RNF146: variants seen among roughly 807,000 people sequenced by gnomAD.
The protein encoded by RNF146 is ring finger protein 146.
RNF146 carries 11 observed loss-of-function variants against 29.7 expected under a neutral mutation model. The observed-to-expected ratio is 0.37, with a 90% CI of 0.23 to 0.61. RNF146 has a LOEUF of 0.61. RNF146 is among the 20% of genes least tolerant of loss of function. The pLI is 0.66. For synonymous variants in RNF146, 150 were observed against 159.7 expected (o/e 0.94, Z 0.46); for missense variants, 342 against 438.9 (o/e 0.78, Z 1.97).
At chr6:127,266,955 G>C (rs1373060385) in intron 1 of RNF146, 30 bp downstream of exon 1, 1 of 152,396 alleles carries the variant, frequency 6.6e-6, no homozygotes, top group Non-Finnish European at 1.5e-5. Flanking sequence ...CCTCTCGGGG[G>C]AGCAGGGTGA....
intron 1 of RNF146, among the ~76,000 whole-genome samples, chr6:127,268,614 G>A (rs1777004046): frequency 6.6e-6 from 1 of 152,142 alleles, no homozygotes; most frequent in Non-Finnish European, 1.5e-5. Flanking sequence ...TAGAATTTAT[G>A]TCTCAAATGA....
chr6:127,287,570 C>T lies in RNF146; in HGVS notation c.957C>T (p.Asn319=), dbSNP rs768293915. The T allele has an allele frequency of 9.9e-6, 16 of 1,612,848 alleles. No individual in the cohort carries two copies. Among genetic ancestry groups the T allele is most frequent in the Non-Finnish European group, 1.4e-5 (16 of 1,179,448 alleles). Reference sequence around the variant, plus strand: ...AGAGACTTTTGGTTTCTAATGCAAACCAGACAGTACCCGATCGATCAGATC... The same window carrying T: ...AGAGACTTTTGGTTTCTAATGCAAATCAGACAGTACCCGATCGATCAGATC... ...TQQRLLVSNA[N]QTVPDRSDRS... is the part of the protein sequence containing the mutation. The change falls in exon 3 of 3, where the codon AAC becomes AAT. Residue 319 remains asparagine (N), a synonymous_variant. Transcript: ENST00000368314.
rs151195633 is a variant in RNF146, at chr6:127,287,180, C to T, written c.567C>T (p.Thr189=). The change falls in exon 3 of 3, where the codon ACC becomes ACT. Residue 189 remains threonine, a synonymous_variant. Coordinates refer to ENST00000368314, the MANE Select transcript of RNF146 (RefSeq NM_001242850.2). ...AGLRLDCDAN[T]VNLARESSAD... ...TTAGGCTAGACTGTGATGCTAATACCGTAAACCTAGCAAGAGAGAGCTCTG... is the reference window on the plus strand; with the variant it reads ...TTAGGCTAGACTGTGATGCTAATACTGTAAACCTAGCAAGAGAGAGCTCTG... 2,734 of 1,613,216 alleles carry T rather than the reference C, an allele frequency of 1.7e-3. 1 individual carries two copies. Among genetic ancestry groups the T allele is most frequent in the Non-Finnish European group, 2.2e-3 (2,578 of 1,179,548 alleles).
chr6:127,284,494 T>G (rs1562289726), intron 2 of RNF146, among the ~76,000 whole-genome samples: 1 of 151,868 alleles, frequency 6.6e-6, no homozygotes, highest in Non-Finnish European at 1.5e-5. Context: ...AATATGGAAC[T>G]TGGAACAAAA....
intron 1 of RNF146, among the ~76,000 whole-genome samples, chr6:127,273,348 C>T (rs1777753916): frequency 6.6e-6 from 1 of 152,118 alleles, no homozygotes; most frequent in South Asian, 2.1e-4. Flanking sequence ...ATTTCTTGTA[C>T]CACCTCAAGT....
At position 127,280,239 on chromosome 6, in the gene RNF146, A is replaced by G; in HGVS notation, c.-100A>G. Reference sequence around the variant, plus strand: ...CTTTTTTTCTTTTGCAGCACAAAGAATGAACCAGCAGTGGAAGAGAAAATA... The same window carrying G: ...CTTTTTTTCTTTTGCAGCACAAAGAGTGAACCAGCAGTGGAAGAGAAAATA... On this transcript the variant is annotated 5_prime_UTR_variant, in exon 2 of 3. An upstream start codon of the reference 5' UTR is lost. Transcript: ENST00000368314. The G allele has an allele frequency of 8.7e-7, 1 of 1,145,012 alleles. No homozygotes were observed. The highest frequency in any genetic ancestry group is 2.1e-5 in the Admixed American group (1 of 48,582). 70.9% of individuals were successfully genotyped at this position (1,145,012 alleles called of 1,614,324 possible).
chr6:127,270,117 G>A (rs1215150863), intron 1 of RNF146, among the ~76,000 whole-genome samples: 1 of 152,062 alleles, frequency 6.6e-6, no homozygotes, highest in Non-Finnish European at 1.5e-5. Flanking sequence ...CTTGAAAAGT[G>A]GGAGTATGAG....
Position 127,286,438 on chromosome 6 carries a change from AC to A in RNF146, c.3-177del. 1 of 732,588 alleles carries A rather than the reference AC, an allele frequency of 1.4e-6. No homozygotes were observed. The allele number at this position is 732,588 out of a possible 1,614,324, so 45.4% of individuals were successfully genotyped here. On this transcript the variant is annotated intron_variant, in intron 2 of 2. Coordinates refer to ENST00000368314, the MANE Select transcript of RNF146 (RefSeq NM_001242850.2). This position sits in a 1 kb window ranked among gnomAD's most constrained non-coding sequence, Gnocchi z 4.6. ...CCAAGGTATGTACAAGTAGATGCTT[AC>A]AAAAAATTTTCATCGGTTGGAGAGT...
At chr6:127,285,658 C>T (rs1779415165) in intron 2 of RNF146, among the ~76,000 whole-genome samples, 1 of 150,772 alleles carries the variant, frequency 6.6e-6, no homozygotes, top group South Asian at 2.1e-4. Flanking sequence ...TCTTCCATTG[C>T]TTGTATGACT....
chr6:127,285,098 T>C (rs1033202400), intron 2 of RNF146: 1 of 551,794 alleles, frequency 1.8e-6, no homozygotes, highest in African/African-American at 2.1e-5. Context: ...TTGAAAATAA[T>C]TTGGAAATTA....
chr6:127,267,902 T>C (rs1776889834), intron 1 of RNF146, among the ~76,000 whole-genome samples: 1 of 152,326 alleles, frequency 6.6e-6, no homozygotes, highest in South Asian at 2.1e-4. Flanking sequence ...TTCTAAAGAA[T>C]GTAAAATTGT....
intron 2 of RNF146, among the ~76,000 whole-genome samples, chr6:127,281,160 TAAC>T (rs1415393507): frequency 1.7e-4 from 26 of 151,710 alleles, no homozygotes; most frequent in African/African-American, 5.8e-4. Flanking sequence ...TGATATGTAT[TAAC>T]AATAATTAAT....
intron 1 of RNF146, among the ~76,000 whole-genome samples, chr6:127,275,208 C>G (rs1490733753): frequency 6.6e-6 from 1 of 152,092 alleles, no homozygotes; most frequent in South Asian, 2.1e-4. Context: ...AGATTTTTAT[C>G]TCCATTTTGG....
Position 127,286,876 on chromosome 6 carries a change from T to C in RNF146, c.263T>C (p.Leu88Ser), listed in dbSNP as rs1381770243. 1 of 1,613,248 alleles carries C rather than the reference T, an allele frequency of 6.2e-7. No homozygotes were observed. Among genetic ancestry groups the C allele is most frequent in the Non-Finnish European group, 8.5e-7 (1 of 1,179,596 alleles). Reference protein sequence around the residue: ...IPEDFLDKPTLLSPEELKAAS... With the variant: ...IPEDFLDKPTSLSPEELKAAS... ...GAGGATTTCCTTGACAAGCCAACCT[T>C]GTTGTCACCAGAAGAACTCAAGGCA... is the stretch of plus-strand genomic sequence containing the variant. Residue 88 changes from leucine (L) to serine (S), a missense_variant, in exon 3 of 3, where the codon TTG becomes TCG. By Grantham distance (145) the Leu-to-Ser change is moderately radical (BLOSUM62 -2). Around this residue, in one of 6 missense-constraint regions of RNF146, gnomAD observed 50 missense variants for 54.9 expected, o/e 0.91. Transcript: ENST00000368314. This position sits in a 1 kb window ranked among gnomAD's most constrained non-coding sequence, Gnocchi z 4.6.
Position 127,286,352 on chromosome 6 carries a change from T to G in RNF146, c.3-264T>G. The G allele has an allele frequency of 1.7e-6, 1 of 587,900 alleles. No homozygotes were observed. The highest frequency in any genetic ancestry group is 2.7e-6 in the Non-Finnish European group (1 of 371,886). The allele number at this position is 587,900 out of a possible 1,614,324, so 36.4% of individuals were successfully genotyped here. On this transcript the variant is annotated intron_variant, in intron 2 of 2. Transcript: ENST00000368314. The surrounding 1 kb of genome is among the most constrained non-coding windows in gnomAD (Gnocchi z 4.6). Reference sequence around the variant, plus strand: ...TGGATGCAGCTTTTCATTATATAGTTCTTCAGTGTGTTTCTCCAGGGCTGA... The same window carrying G: ...TGGATGCAGCTTTTCATTATATAGTGCTTCAGTGTGTTTCTCCAGGGCTGA...
chr6:127,268,431 T>TTATAC (rs1399747862), intron 1 of RNF146, among the ~76,000 whole-genome samples: 2 of 152,216 alleles, frequency 1.3e-5, no homozygotes, highest in Non-Finnish European at 2.9e-5. Flanking sequence ...CAAATATTGT[T>TTATAC]TGTATAGAGT....
intron 1 of RNF146, among the ~76,000 whole-genome samples, chr6:127,277,918 T>G (rs754106953): frequency 5.3e-5 from 8 of 152,136 alleles, no homozygotes; most frequent in Non-Finnish European, 7.4e-5. Flanking sequence ...AAATTGTTTG[T>G]TCTGTTAAAC....
At chr6:127,275,319 A>C (rs1176294498) in intron 1 of RNF146, among the ~76,000 whole-genome samples, 2 of 152,184 alleles carry the variant, frequency 1.3e-5, no homozygotes, top group Non-Finnish European at 2.9e-5. Context: ...GAACTCCTTT[A>C]GATTTTAAGT....
At chr6:127,272,183 A>G (rs1401632848) in intron 1 of RNF146, among the ~76,000 whole-genome samples, 1 of 152,148 alleles carries the variant, frequency 6.6e-6, no homozygotes, top group Non-Finnish European at 1.5e-5. Flanking sequence ...AGGTATAGTC[A>G]TATTTCACAG....
Sources: gnomAD v4.1 joint callset for allele counts (sites outside exome capture counted in the v4.1 genomes callset) on GRCh38, gnomAD v4.1.1 for gene constraint, gnomAD v4.1.1 regional missense constraint, Gnocchi (gnomAD v3.1) non-coding constraint, MANE v1.5 for transcripts, NCBI Gene and HGNC (gene_info 2026-07-23, HGNC 2026-07-21) for gene names.